Variants in ADGRL2 observed in about 807,000 individuals in gnomAD.
ADGRL2 encodes calcium-independent alpha-latrotoxin receptor 2.
Under a neutral mutation model 157.4 loss-of-function variants are expected in ADGRL2, and 44 were observed. The ratio of observed to expected loss-of-function variants is 0.28; its 90% confidence interval spans 0.22 to 0.36. The LOEUF is 0.36. ADGRL2 is among the 10% of genes least tolerant of loss of function. The probability of loss-of-function intolerance (pLI) is 1.00; values close to 1 mark genes in which losing one functional copy is unlikely to be tolerated. For synonymous variants in ADGRL2, 585 were observed against 624.7 expected (o/e 0.94, Z 0.95); for missense variants, 1,510 against 1,768.9 (o/e 0.85, Z 2.63).
intron 2 of ADGRL2, among the ~76,000 whole-genome samples, chr1:81,762,267 A>G (rs1181038364): frequency 6.6e-6 from 1 of 152,190 alleles, no homozygotes; most frequent in Non-Finnish European, 1.5e-5. Context: ...GTTACATAAA[A>G]ACTGATTGTA....
chr1:81,902,410 CA>C (rs1255522095), intron 2 of ADGRL2, among the ~76,000 whole-genome samples: 3 of 152,054 alleles, frequency 2.0e-5, no homozygotes, highest in African/African-American at 7.2e-5. Flanking sequence ...CCAGCCTGGC[CA>C]ACATGGCGAA....
intron 3 of ADGRL2, among the ~76,000 whole-genome samples, chr1:81,910,244 C>CAATAATAATGATAAT (rs2094686022): frequency 7.0e-6 from 1 of 143,056 alleles, no homozygotes; most frequent in African/African-American, 2.6e-5. Flanking sequence ...GCCTAAAAAA[C>CAATAATAATGATAAT]AATAATAATA....
intron 2 of ADGRL2, among the ~76,000 whole-genome samples, chr1:81,784,985 G>A (rs2086972122): frequency 6.6e-6 from 1 of 152,092 alleles, no homozygotes; most frequent in Non-Finnish European, 1.5e-5. Flanking sequence ...CTATGAATAT[G>A]AGAAGCTTAG....
intron 2 of ADGRL2, among the ~76,000 whole-genome samples, chr1:81,492,071 CTT>C (rs911229942): frequency 1.3e-5 from 2 of 152,146 alleles, no homozygotes; most frequent in Non-Finnish European, 2.9e-5. Flanking sequence ...GAAAACCACT[CTT>C]TTAATTTTGT....
chr1:81,589,558 G>T (rs959024601), intron 3 of ADGRL2, among the ~76,000 whole-genome samples: 25 of 152,154 alleles, frequency 1.6e-4, no homozygotes, highest in African/African-American at 6.0e-4. Flanking sequence ...ACTTTGTTCA[G>T]TTGGCAGTAC....
chr1:81,345,045 T>C (rs1662382359), intron 1 of ADGRL2, among the ~76,000 whole-genome samples: 1 of 152,162 alleles, frequency 6.6e-6, no homozygotes. Flanking sequence ...GAAGTATAGG[T>C]GTGTAACATT....
In ADGRL2 at chr1:81,951,176, A is replaced by G. The variant is rs1393195261; in HGVS notation, c.1608+55A>G. 3.4e-6 allele frequency: 4 copies of G among 1,180,506 alleles called. No homozygotes were observed. In the East Asian group the frequency reaches 9.5e-5, roughly 28 times the overall value. The allele number at this position is 1,180,506 out of a possible 1,614,324, so 73.1% of individuals were successfully genotyped here. On this transcript the variant is annotated intron_variant, in intron 8 of 23. Coordinates refer to ENST00000686636, the MANE Select transcript of ADGRL2 (RefSeq NM_001366006.2). ...TGGTGATTTAGGGCATTAACTTCTA[A>G]CATAAATAATTTAGCTTTGTGTGTT...
chr1:81,931,295 AC>A (rs1051419195), intron 3 of ADGRL2, among the ~76,000 whole-genome samples: 2 of 152,198 alleles, frequency 1.3e-5, no homozygotes, highest in African/African-American at 4.8e-5. Context: ...CAGAAATAAT[AC>A]TTTTATTCCG....
chr1:81,615,577 C>G (rs2081627724), intron 3 of ADGRL2, among the ~76,000 whole-genome samples: 1 of 152,298 alleles, frequency 6.6e-6, no homozygotes, highest in South Asian at 2.1e-4. Flanking sequence ...TCTTTAAGAA[C>G]TGTAACACTC....
At chr1:81,705,788 C>A (rs1275113411) in intron 1 of ADGRL2, among the ~76,000 whole-genome samples, 1 of 152,038 alleles carries the variant, frequency 6.6e-6, no homozygotes. Flanking sequence ...TGGTGGTAGT[C>A]TCAGATATTC....
intron 3 of ADGRL2, among the ~76,000 whole-genome samples, chr1:81,933,795 G>T (rs1252724694): frequency 6.6e-6 from 1 of 151,936 alleles, no homozygotes; most frequent in Non-Finnish European, 1.5e-5. Flanking sequence ...TTCTATTTCT[G>T]TAATTTGGGC....
At chr1:81,845,158 A>C (rs551488633) in intron 2 of ADGRL2, among the ~76,000 whole-genome samples, 2 of 152,214 alleles carry the variant, frequency 1.3e-5, no homozygotes, top group African/African-American at 4.8e-5. Flanking sequence ...CAGAAACAGT[A>C]TTACTATGCC....
chr1:81,958,316 G>T (rs1277030645), intron 11 of ADGRL2, among the ~76,000 whole-genome samples: 1 of 149,114 alleles, frequency 6.7e-6, no homozygotes, highest in Non-Finnish European at 1.5e-5. Context: ...TATTTCCAAG[G>T]TATAAACAAT....
intron 2 of ADGRL2, among the ~76,000 whole-genome samples, chr1:81,873,259 A>G (rs562095389): frequency 1.5e-4 from 23 of 152,220 alleles, no homozygotes; most frequent in African/African-American, 5.3e-4. Context: ...ATAGTGAACT[A>G]TTAGAGTGTT....
chr1:81,350,303 A>G (rs1165211684), intron 1 of ADGRL2, among the ~76,000 whole-genome samples: 4 of 152,242 alleles, frequency 2.6e-5, no homozygotes, highest in Admixed American at 6.5e-5. Context: ...TGTTCAGACA[A>G]TAATTCATCT....
intron 1 of ADGRL2, among the ~76,000 whole-genome samples, chr1:81,812,768 T>C (rs12059795): frequency 0.29 from 44,599 of 151,628 alleles, 7,121 homozygotes; most frequent in Middle Eastern, 0.5. Context: ...AAACGATCGC[T>C]TTGGCTTAAT....
chr1:81,371,327 G>GCAGAGAAAC (rs1447110233), intron 1 of ADGRL2, among the ~76,000 whole-genome samples: 1 of 152,148 alleles, frequency 6.6e-6, no homozygotes, highest in East Asian at 1.9e-4. Context: ...ATAGCATAAG[G>GCAGAGAAAC]CAGAGAAACA....
chr1:81,495,072 C>G (rs940599507), intron 2 of ADGRL2, among the ~76,000 whole-genome samples: 16 of 152,054 alleles, frequency 1.1e-4, no homozygotes, highest in African/African-American at 2.9e-4. Flanking sequence ...CAGGGTAGAG[C>G]AGATGGTTGA....
intron 2 of ADGRL2, among the ~76,000 whole-genome samples, chr1:81,449,009 C>G (rs574146676): frequency 2.0e-5 from 3 of 152,234 alleles, no homozygotes; most frequent in Admixed American, 6.5e-5. Flanking sequence ...AAAAAGTATA[C>G]ATATATGTTC....
Sources: gnomAD v4.1 joint callset for allele counts (sites outside exome capture counted in the v4.1 genomes callset) on GRCh38, gnomAD v4.1.1 for gene constraint, MANE v1.5 for transcripts, NCBI Gene and HGNC (gene_info 2026-07-23, HGNC 2026-07-21) for gene names.